The following C2CD2 variants were observed in gnomAD, a reference collection of about 807,000 sequenced individuals.
The protein encoded by C2CD2 is C2 domain-containing protein 2.
C2CD2 carries 43 observed loss-of-function variants against 74.3 expected under a neutral mutation model. The ratio of observed to expected loss-of-function variants is 0.58; its 90% confidence interval spans 0.45 to 0.75. The LOEUF (loss-of-function observed/expected upper bound fraction) is 0.75. Ranked by LOEUF, C2CD2 falls within the 30% of genes least tolerant of loss-of-function variation. The probability of loss-of-function intolerance (pLI) is 0.00; values close to 1 mark genes in which losing one functional copy is unlikely to be tolerated. For missense variants in C2CD2, 801 were observed against 916.3 expected, an observed-to-expected ratio of 0.87 and a Z score of 1.63; for synonymous variants, 422 against 390.7, an observed-to-expected ratio of 1.08 and a Z score of -0.94.
rs75529876 is a variant in C2CD2 at position 41,936,050 on chromosome 21, T to A, written c.378+6097A>T. ...AGACACTGGATTGGGCAATGATTTT[T>A]TTTTGGTATGATCCCCAAAACACAG... is the stretch of plus-strand genomic sequence containing the variant. On this transcript the variant is annotated intron_variant, in intron 2 of 13. Transcript: ENST00000380486. Among the ~76,000 whole-genome samples, 849 of 152,070 alleles carry A rather than the reference T, an allele frequency of 5.6e-3. 20 individuals carry two copies. Among genetic ancestry groups the A allele is most frequent in the East Asian group, 0.035 (180 of 5,176 alleles).
At chr21:41,922,158 TTCTTC>T in intron 2 of C2CD2, 73 bp from the exon 3 acceptor site, 2 of 817,116 alleles carry the variant, frequency 2.4e-6, no homozygotes, top group Non-Finnish European at 3.9e-6. Context: ...CATCTTCTTC[TTCTTC>T]TTTTTTTTTT....
Position 41,922,025 on chromosome 21 carries a change from A to C in C2CD2, c.439T>G (p.Leu147Val), listed in dbSNP as rs2065159608. Residue 147 changes from leucine (L) to valine (V), a missense_variant, in exon 3 of 14, where the codon TTG (leucine) becomes GTG (valine). Coordinates refer to ENST00000380486, the MANE Select transcript of C2CD2 (RefSeq NM_015500.2). ...TCGTACAGCCGGCATCCAGCACCCAAGGCAGGCGTCTCGCTGACCAAGAAC... is the reference window on the plus strand; with the variant it reads ...TCGTACAGCCGGCATCCAGCACCCACGGCAGGCGTCTCGCTGACCAAGAAC... ...IQFLVSETPA[L>V]GAGCRLYDMR... 6 of 1,614,170 alleles carry C rather than the reference A, an allele frequency of 3.7e-6. No homozygotes were observed. The highest frequency in any genetic ancestry group is 3.4e-6 in the Non-Finnish European group (4 of 1,179,984).
intron 5 of C2CD2, among the ~76,000 whole-genome samples, chr21:41,916,033 G>C (rs1003851912): frequency 2.0e-5 from 3 of 152,104 alleles, no homozygotes; most frequent in African/African-American, 7.2e-5. Flanking sequence ...AAGAGACACA[G>C]GTGTTCTTTC....
chr21:41,933,299 G>A (rs1428233963), intron 2 of C2CD2, among the ~76,000 whole-genome samples: 1 of 134,548 alleles, frequency 7.4e-6, no homozygotes, highest in Non-Finnish European at 1.8e-5. Context: ...CCCAGCTGAG[G>A]GAACACGAGG....
chr21:41,906,877 G>T, intron 10 of C2CD2, 115 bp downstream of exon 10: 2 of 741,956 alleles, frequency 2.7e-6, no homozygotes, highest in Non-Finnish European at 2.3e-6. Flanking sequence ...CCTGTGCTGT[G>T]AGAATTTCCT....
chr21:41,906,930 G>A (rs2146166124), intron 10 of C2CD2, 62 bp downstream of exon 10: 1 of 1,325,322 alleles, frequency 7.5e-7, no homozygotes, highest in East Asian at 2.3e-5. Flanking sequence ...AGTTGTGGGG[G>A]CAAGGTGGTT....
rs1275605200 is a variant in C2CD2, at chr21:41,926,486, G to A, written c.379-4401C>T. 3.9e-6 allele frequency: 3 copies of A among 773,662 alleles called. No individual in the cohort carries two copies. Among genetic ancestry groups the A allele is most frequent in the Admixed American group, 6.3e-5 (1 of 15,994 alleles). The allele number at this position is 773,662 out of a possible 1,614,324, so 47.9% of individuals were successfully genotyped here. A position where few individuals can be genotyped will look rare whatever the true frequency, so the allele number is the denominator to read the frequency against. On this transcript the variant is annotated intron_variant, in intron 2 of 13. Coordinates refer to ENST00000380486, the MANE Select transcript of C2CD2 (RefSeq NM_015500.2). This position sits in a 1 kb window ranked among gnomAD's most constrained non-coding sequence, Gnocchi z 8.0. ...GGAGGGGAAAACAAGACTGAAGGCT[G>A]AAGAGCAGGCTGAGCGGGGAGGCCT...
chr21:41,916,919 T>C (rs1188006633), intron 5 of C2CD2, among the ~76,000 whole-genome samples: 2 of 152,178 alleles, frequency 1.3e-5, no homozygotes, highest in Non-Finnish European at 2.9e-5. Context: ...TTCAGAACAG[T>C]CACCTCTGAT....
chr21:41,895,847 T>C lies in C2CD2; in HGVS notation c.1870+3206A>G, dbSNP rs932567497. Among the ~76,000 whole-genome samples the C allele has an allele frequency of 6.6e-6, 1 of 151,764 alleles. No homozygotes were observed. The highest frequency in any genetic ancestry group is 1.5e-5 in the Non-Finnish European group (1 of 67,956). On this transcript the variant is annotated intron_variant, in intron 13 of 13. Coordinates refer to ENST00000380486, the MANE Select transcript of C2CD2 (RefSeq NM_015500.2). The surrounding 1 kb of genome is among the most constrained non-coding windows in gnomAD (Gnocchi z 5.0). ...AACAATGACCAGAAAAAAAAAACAATTGTCTTTGGCTTCCCAAGAACAGCA... is the reference window on the plus strand; with the variant it reads ...AACAATGACCAGAAAAAAAAAACAACTGTCTTTGGCTTCCCAAGAACAGCA...
rs746631048 is a variant in C2CD2 at position 41,889,212 on chromosome 21, G to A, written c.2003C>T (p.Thr668Ile). ...QPEGSRRKGI[T>I]LTRILNKKLL... ...CTTCTTGTTCAGGATCCTGGTGAGGGTGATGCCTTTCCTCCGGGAACCCTC... is the reference window on the plus strand; with the variant it reads ...CTTCTTGTTCAGGATCCTGGTGAGGATGATGCCTTTCCTCCGGGAACCCTC... The change falls in exon 14 of 14, where the codon ACC (threonine) becomes ATC (isoleucine). Residue 668 changes from threonine to isoleucine, a missense_variant. Thr to Ile is a moderately conservative substitution (Grantham distance 89). Transcript: ENST00000380486. The A allele has an allele frequency of 4.3e-6, 7 of 1,613,650 alleles. No homozygotes were observed. The South Asian group carries it at 6.6e-5, about 15-fold the overall frequency.
At chr21:41,936,972 C>T (rs1208576582) in intron 2 of C2CD2, among the ~76,000 whole-genome samples, 1 of 151,832 alleles carries the variant, frequency 6.6e-6, no homozygotes, top group Non-Finnish European at 1.5e-5. Flanking sequence ...GCACACACCA[C>T]CATGCCTGGC....
chr21:41,919,659 T>C (rs779006436), intron 3 of C2CD2, among the ~76,000 whole-genome samples: 1 of 152,122 alleles, frequency 6.6e-6, no homozygotes, highest in Non-Finnish European at 1.5e-5. Context: ...GCCCTGAAGA[T>C]TGTGTGCAGC....
chr21:41,928,107 C>T (rs1241645776), intron 2 of C2CD2, among the ~76,000 whole-genome samples: 1 of 152,226 alleles, frequency 6.6e-6, no homozygotes, highest in African/African-American at 2.4e-5. Flanking sequence ...AAAATCAAGA[C>T]AGTTCCTTTA....
chr21:41,940,148 G>T (rs898209919), intron 2 of C2CD2, among the ~76,000 whole-genome samples: 1 of 152,076 alleles, frequency 6.6e-6, no homozygotes, highest in South Asian at 2.1e-4. Flanking sequence ...AACACTCCTG[G>T]CCCCAAGAAT....
At position 41,953,835 on chromosome 21, in the gene C2CD2, G is replaced by GGCA. The variant is rs1195295867; in HGVS notation, c.-188_-187insTGC. ...GGCAAGCGGGGAGGAAACGCGCGGC[G>GGCA]GCCGCGGCCCGGGCTGGGCGCAAGC... On this transcript the variant is annotated 5_prime_UTR_variant, in exon 1 of 14. Coordinates refer to ENST00000380486, the MANE Select transcript of C2CD2 (RefSeq NM_015500.2). 1.0e-5 allele frequency: 4 copies of GGCA among 386,290 alleles called. No homozygotes were observed. The highest frequency in any genetic ancestry group is 1.7e-5 in the Non-Finnish European group (4 of 241,110). The allele number at this position is 386,290 out of a possible 1,614,324, so 23.9% of individuals were successfully genotyped here.
rs2839407 is a variant in C2CD2 at position 41,892,924 on chromosome 21, T to C, written c.1871-3580A>G. On this transcript the variant is annotated intron_variant, in intron 13 of 13. Coordinates refer to ENST00000380486, the MANE Select transcript of C2CD2 (RefSeq NM_015500.2). This position sits in a 1 kb window ranked among gnomAD's most constrained non-coding sequence, Gnocchi z 4.6. ...GACGCAGCCCACCCGCAGGGCCCGG[T>C]GCCACGCCAGAGACGCGCGGTGCGC... 0.14 allele frequency among the ~76,000 whole-genome samples: 20,911 copies of C among 152,222 alleles called. 1,837 individuals are homozygous for C. The highest frequency in any genetic ancestry group is 0.25 in the East Asian group (1,266 of 5,166).
chr21:41,918,060 G>C, intron 5 of C2CD2, 45 bp downstream of exon 5: 1 of 1,611,114 alleles, frequency 6.2e-7, no homozygotes, highest in Middle Eastern at 1.7e-4. Context: ...GGGCCATGGT[G>C]CCTAACGGGG....
chr21:41,919,078 CTATG>C (rs2065126298), intron 3 of C2CD2, 118 bp from the exon 4 acceptor site: 1 of 736,504 alleles, frequency 1.4e-6, no homozygotes, highest in Admixed American at 2.1e-5. Context: ...GAGCATGTGT[CTATG>C]TGAGCATATA....
Position 41,913,448 on chromosome 21 carries a change from G to A in C2CD2, c.845-1008C>T, listed in dbSNP as rs369182164. On this transcript the variant is annotated intron_variant, in intron 6 of 13. Transcript: ENST00000380486. ...AAGAGAAGACTCAGACCCAGACGTGGGGACATCCAGCAGAGGCAGGAACGG... is the reference window on the plus strand; with the variant it reads ...AAGAGAAGACTCAGACCCAGACGTGAGGACATCCAGCAGAGGCAGGAACGG... Among the ~76,000 whole-genome samples, 26 of 152,292 alleles carry A rather than the reference G, an allele frequency of 1.7e-4. 5 individuals carry two copies. The highest frequency in any genetic ancestry group is 5.9e-4 in the Admixed American group (9 of 15,294).
Sources: allele counts gnomAD v4.1 joint callset (sites outside exome capture counted in the v4.1 genomes callset), GRCh38; gene constraint gnomAD v4.1.1; non-coding constraint Gnocchi (gnomAD v3.1); transcripts MANE v1.5; gene names NCBI Gene and HGNC (gene_info 2026-07-23, HGNC 2026-07-21).